The following DEDD variants were observed in gnomAD, a reference collection of about 807,000 sequenced individuals.
DEDD encodes the protein death effector domain-containing protein.
A neutral mutation model predicts 29.2 loss-of-function variants in DEDD; 3 were observed. The ratio of observed to expected loss-of-function variants is 0.10; its 90% confidence interval spans 0.05 to 0.27. The LOEUF (loss-of-function observed/expected upper bound fraction) is 0.27. Ranked by LOEUF, DEDD falls within the 10% of genes least tolerant of loss-of-function variation. The probability of loss-of-function intolerance (pLI) is 1.00; values close to 1 mark genes in which losing one functional copy is unlikely to be tolerated. For synonymous variants in DEDD, 152 were observed against 161.3 expected (o/e 0.94, Z 0.44); for missense variants, 261 against 420.5 (o/e 0.62, Z 3.32).
chr1:161,124,668 A>T, intron 2 of DEDD, 142 bp from the exon 3 acceptor site: 1 of 1,144,368 alleles, frequency 8.7e-7, no homozygotes, highest in Non-Finnish European at 1.2e-6. Context: ...TGTTTGTTTA[A>T]AAATAAACAC....
chr1:161,131,345 C>T (rs909109917), intron 1 of DEDD, among the ~76,000 whole-genome samples: 1 of 152,166 alleles, frequency 6.6e-6, no homozygotes, highest in Admixed American at 6.5e-5. Context: ...TCCACTCATA[C>T]GTCTATGTTT....
chr1:161,123,746 TC>T, intron 4 of DEDD, 92 bp downstream of exon 4: 2 of 1,115,138 alleles, frequency 1.8e-6, no homozygotes, highest in Non-Finnish European at 1.3e-6. Flanking sequence ...GCGCACAGCA[TC>T]CTTTCATTTA....
At chr1:161,126,325 A>G (rs932930827) in intron 2 of DEDD, among the ~76,000 whole-genome samples, 3 of 150,896 alleles carry the variant, frequency 2.0e-5, no homozygotes. Flanking sequence ...ATCGTTATCT[A>G]TAAGAACACT....
rs1319202225 is a variant in DEDD at position 161,122,935 on chromosome 1, C to T, written c.580+140G>A. The T allele has an allele frequency of 6.5e-7, 1 of 1,528,806 alleles. No homozygotes were observed. Among genetic ancestry groups the T allele is most frequent in the East Asian group, 2.3e-5 (1 of 44,346 alleles). 94.7% of individuals were successfully genotyped at this position (1,528,806 alleles called of 1,614,324 possible). ...CATAAAGAGCAGTTCTTCCACCAGACACCAAACCATTCAGCCTCACTTTGC... is the reference window on the plus strand; with the variant it reads ...CATAAAGAGCAGTTCTTCCACCAGATACCAAACCATTCAGCCTCACTTTGC... On this transcript the variant is annotated intron_variant, in intron 5 of 5. Transcript: ENST00000368006. This position sits in a 1 kb window ranked among gnomAD's most constrained non-coding sequence, Gnocchi z 4.2.
At chr1:161,126,619 G>C (rs987478630) in intron 2 of DEDD, among the ~76,000 whole-genome samples, 1 of 152,060 alleles carries the variant, frequency 6.6e-6, no homozygotes, top group African/African-American at 2.4e-5. Flanking sequence ...TGAGATTACA[G>C]GTGTGAGCCA....
chr1:161,123,529 A>G (rs1038938952), intron 4 of DEDD, among the ~76,000 whole-genome samples: 1 of 151,628 alleles, frequency 6.6e-6, no homozygotes, highest in Non-Finnish European at 1.5e-5. Flanking sequence ...CCAGCTACTC[A>G]GGAGGCTGAG....
In DEDD at chr1:161,121,958, A is replaced by G. The variant is rs1008686097; in HGVS notation, c.*189T>C. On this transcript the variant is annotated 3_prime_UTR_variant, in exon 6 of 6. Transcript: ENST00000368006. The stretch of plus-strand genomic sequence containing the variant: ...AAATGGAAAAGGGAAATAAAGGGGA[A>G]GCCCAGGCACATGGGTGCAGGGAGG... The G allele has an allele frequency of 1.3e-5, 9 of 675,074 alleles. No homozygotes were observed. Among genetic ancestry groups the G allele is most frequent in the Non-Finnish European group, 1.9e-5 (8 of 412,004 alleles). The allele number at this position is 675,074 out of a possible 1,614,324, so 41.8% of individuals were successfully genotyped here.
rs1054733493 is a variant in DEDD, at chr1:161,126,495, C to A, written c.-64-1969G>T. Among the ~76,000 whole-genome samples the A allele has an allele frequency of 2.6e-5, 4 of 152,034 alleles. No individual in the cohort carries two copies. In the East Asian group the frequency reaches 7.7e-4, roughly 29 times the overall value. On this transcript the variant is annotated intron_variant, in intron 2 of 5. Transcript: ENST00000368006. ...AGTAGCTGGGACTACAGGCACCCAC[C>A]ACCACGCCCAGCTACTTTTTGTATT...
intron 1 of DEDD, chr1:161,131,134 A>G (rs1419200208): frequency 1.3e-5 from 2 of 152,182 alleles, no homozygotes; most frequent in East Asian, 3.8e-4. Flanking sequence ...TTCTGGGAAA[A>G]CCAATTACCC....
Position 161,122,023 on chromosome 1 carries a change from T to TAAA in DEDD, c.*123_*124insTTT. 1 of 1,162,868 alleles carries TAAA rather than the reference T, an allele frequency of 8.6e-7. No individual in the cohort carries two copies. Among genetic ancestry groups the TAAA allele is most frequent in the Non-Finnish European group, 1.2e-6 (1 of 844,814 alleles). 72.0% of individuals were successfully genotyped at this position (1,162,868 alleles called of 1,614,324 possible). A position where few individuals can be genotyped will look rare whatever the true frequency, so the allele number is the denominator to read the frequency against. The stretch of plus-strand genomic sequence containing the variant: ...CTTCCACTTTCTTTTGTCTTTTTCT[T>TAAA]TAAAAAAAAAAAAAAAAAGGCAGGG... On this transcript the variant is annotated 3_prime_UTR_variant, in exon 6 of 6. Transcript: ENST00000368006. The surrounding 1 kb of genome is among the most constrained non-coding windows in gnomAD (Gnocchi z 4.2).
Position 161,122,787 on chromosome 1 carries a change from A to G in DEDD, c.581-264T>C, listed in dbSNP as rs1036622371. On this transcript the variant is annotated intron_variant, in intron 5 of 5. Transcript: ENST00000368006. This position sits in a 1 kb window ranked among gnomAD's most constrained non-coding sequence, Gnocchi z 4.2. ...ACTTGTTTATAGGAGATATTTTCCT[A>G]ATTACCAGGCATAGAAGTTCATTTT... Among the ~76,000 whole-genome samples the G allele has an allele frequency of 2.0e-5, 3 of 152,202 alleles. No homozygotes were observed. Among genetic ancestry groups the G allele is most frequent in the Admixed American group, 2.0e-4 (3 of 15,282 alleles).
At chr1:161,123,782 G>GGGAT in intron 4 of DEDD, 57 bp downstream of exon 4, 1 of 1,440,894 alleles carries the variant, frequency 6.9e-7, no homozygotes, top group Non-Finnish European at 9.6e-7. Flanking sequence ...AGAATGTGAT[G>GGGAT]GGATCAGTGT....
intron 2 of DEDD, chr1:161,125,388 T>C (rs2101749791): frequency 6.6e-6 from 1 of 152,326 alleles, no homozygotes; most frequent in South Asian, 2.1e-4. Context: ...GCTCAGAAAG[T>C]TTATCAATAT....
At chr1:161,130,724 T>G (rs1656600823) in intron 2 of DEDD, 91 bp downstream of exon 2, 1 of 152,174 alleles carries the variant, frequency 6.6e-6, no homozygotes, top group Admixed American at 6.5e-5. Context: ...GGCATTCTCC[T>G]CCTCATTAAT....
chr1:161,131,819 T>G (rs549287442), intron 1 of DEDD, among the ~76,000 whole-genome samples: 41 of 152,062 alleles, frequency 2.7e-4, no homozygotes, highest in Middle Eastern at 6.8e-3. Context: ...CTTAACTCTG[T>G]TCTCTCCTCC....
At chr1:161,123,566 G>A (rs529290378) in intron 4 of DEDD, among the ~76,000 whole-genome samples, 2 of 151,370 alleles carry the variant, frequency 1.3e-5, no homozygotes, top group African/African-American at 4.8e-5. Context: ...CACCTGGGAA[G>A]TGGGGCTTGC....
Position 161,122,027 on chromosome 1 carries a change from A to AG in DEDD, c.*119_*120insC. On this transcript the variant is annotated 3_prime_UTR_variant, in exon 6 of 6. Transcript: ENST00000368006. This position sits in a 1 kb window ranked among gnomAD's most constrained non-coding sequence, Gnocchi z 4.2. The stretch of plus-strand genomic sequence containing the variant: ...CACTTTCTTTTGTCTTTTTCTTTAA[A>AG]AAAAAAAAAAAAAAGGCAGGGGTGT... 1 of 1,210,958 alleles carries AG rather than the reference A, an allele frequency of 8.3e-7. No homozygotes were observed. Among genetic ancestry groups the AG allele is most frequent in the South Asian group, 1.7e-5 (1 of 58,070 alleles). The allele number at this position is 1,210,958 out of a possible 1,614,324, so 75.0% of individuals were successfully genotyped here.
chr1:161,130,157 A>G (rs1656547488), intron 2 of DEDD, among the ~76,000 whole-genome samples: 1 of 152,358 alleles, frequency 6.6e-6, no homozygotes, highest in Non-Finnish European at 1.5e-5. Flanking sequence ...TGAAAATGAC[A>G]GTCATCTTTT....
intron 5 of DEDD, 23 bp downstream of exon 5, chr1:161,123,052 C>T: frequency 6.2e-7 from 1 of 1,614,254 alleles, no homozygotes; most frequent in Admixed American, 1.7e-5. Flanking sequence ...TGCTCCATCT[C>T]TGGAACCCTT....
Sources: gnomAD v4.1 joint callset for allele counts (sites outside exome capture counted in the v4.1 genomes callset) on GRCh38, gnomAD v4.1.1 for gene constraint, Gnocchi (gnomAD v3.1) non-coding constraint, MANE v1.5 for transcripts, NCBI Gene and HGNC (gene_info 2026-07-23, HGNC 2026-07-21) for gene names.